Variants in WDR44 observed in about 807,000 individuals in gnomAD.
The protein encoded by WDR44 is WD repeat domain 44.
WDR44 carries 9 observed loss-of-function variants against 65.7 expected under a neutral mutation model. The observed-to-expected ratio is 0.14, with a 90% CI of 0.08 to 0.24. The LOEUF (loss-of-function observed/expected upper bound fraction) is 0.24. WDR44 is among the 10% of genes least tolerant of loss of function. The pLI is 1.00. For synonymous variants in WDR44, 220 were observed against 235.2 expected, an observed-to-expected ratio of 0.94 and a Z score of 0.59; for missense variants, 425 against 670.9, an observed-to-expected ratio of 0.63 and a Z score of 4.05.
intron 6 of WDR44, among the ~76,000 whole-genome samples, chrX:118,396,176 G>A (rs1420239919): frequency 8.1e-5 from 9 of 111,586 alleles, no homozygotes; most frequent in Non-Finnish European, 1.5e-4. Context: ...AAATTTTACA[G>A]CAAAATCTTA....
At chrX:118,359,191 A>G (rs777776909) in intron 1 of WDR44, among the ~76,000 whole-genome samples, 1 of 112,346 alleles carries the variant, frequency 8.9e-6, no homozygotes, top group Non-Finnish European at 1.9e-5. Flanking sequence ...ATTGCATTAG[A>G]TATTGATTTC....
intron 3 of WDR44, among the ~76,000 whole-genome samples, chrX:118,392,209 A>G (rs974829669): frequency 2.7e-5 from 3 of 112,102 alleles, no homozygotes; most frequent in Non-Finnish European, 5.6e-5. Flanking sequence ...GGCTCAAACC[A>G]TTAGGCTGGT....
intron 9 of WDR44, among the ~76,000 whole-genome samples, chrX:118,405,282 C>T (rs1569371939): frequency 9.1e-6 from 1 of 109,984 alleles, no homozygotes; most frequent in Non-Finnish European, 1.9e-5. Flanking sequence ...GTGATCCACC[C>T]ACTTCTACCT....
chrX:118,435,445 AT>A (rs57562182), intron 13 of WDR44, among the ~76,000 whole-genome samples: 2 of 107,137 alleles, frequency 1.9e-5, no homozygotes, highest in Admixed American at 1.0e-4. Context: ...CGCCCAGCTA[AT>A]TTTTTTTTTT....
In WDR44 at chrX:118,444,617, C is replaced by T. The variant is rs902700244; in HGVS notation, c.2647+123C>T. On this transcript the variant is annotated intron_variant, in intron 19 of 19. Transcript: ENST00000254029. ...ATTTCTTTTTTCTTTTTTCTTAAGA[C>T]AGGGTCTTGCTCTGTCACCCAGGCT... 3 of 863,642 alleles carry T rather than the reference C, an allele frequency of 3.5e-6. No individual in the cohort carries two copies. The African/African-American group carries it at 6.2e-5, about 18-fold the overall frequency. 71.2% of individuals were successfully genotyped at this position (863,642 alleles called of 1,213,427 possible). A position where few individuals can be genotyped will look rare whatever the true frequency, so the allele number is the denominator to read the frequency against.
intron 13 of WDR44, among the ~76,000 whole-genome samples, chrX:118,433,475 G>A (rs1481051942): frequency 9.0e-6 from 1 of 111,198 alleles, no homozygotes; most frequent in Non-Finnish European, 1.9e-5. Flanking sequence ...CATATCTGTT[G>A]ATCATTTTAC....
At chrX:118,388,595 G>A (rs4825574) in intron 3 of WDR44, among the ~76,000 whole-genome samples, 50,974 of 110,668 alleles carry the variant, frequency 0.46, 11,510 homozygotes, top group African/African-American at 0.87. Context: ...CACATATTTT[G>A]ATATTGATCA....
Position 118,394,040 on chromosome X carries a change from T to C in WDR44, c.827-15T>C, listed in dbSNP as rs769582895. The stretch of plus-strand genomic sequence containing the variant: ...AAAAGGGTTGTTATTATTGTTGTTA[T>C]TATTATCATTGCAGTTCCCAAAGAG... On this transcript the variant is annotated splice_polypyrimidine_tract_variant and intron_variant, in intron 4 of 19. Transcript: ENST00000254029. 6 of 1,195,950 alleles carry C rather than the reference T, an allele frequency of 5.0e-6. No homozygotes were observed. Among genetic ancestry groups the C allele is most frequent in the Admixed American group, 2.2e-5 (1 of 45,268 alleles).
At chrX:118,426,989 T>C (rs144547030) in intron 12 of WDR44, among the ~76,000 whole-genome samples, 1,824 of 111,561 alleles carry the variant, frequency 0.016, 18 homozygotes, top group Non-Finnish European at 0.025. Flanking sequence ...CCTTAAATTG[T>C]TTTCAAAGAC....
chrX:118,423,784 T>A (rs889506876), intron 12 of WDR44, among the ~76,000 whole-genome samples: 2 of 112,096 alleles, frequency 1.8e-5, no homozygotes, highest in Non-Finnish European at 3.8e-5. Context: ...GCCCTCGCAA[T>A]CACTGTTCTA....
chrX:118,447,808 G>A (rs1248463406), intron 19 of WDR44, among the ~76,000 whole-genome samples: 2 of 103,279 alleles, frequency 1.9e-5, no homozygotes, highest in Non-Finnish European at 3.9e-5. Flanking sequence ...AGGAGTATGA[G>A]GTTACAAGAA....
At chrX:118,424,323 GTATATATATATA>G (rs1171699587) in intron 12 of WDR44, among the ~76,000 whole-genome samples, 4 of 65,566 alleles carry the variant, frequency 6.1e-5, no homozygotes, top group African/African-American at 4.0e-4. Context: ...GTGTGTGTGT[GTATATATATATA>G]TATATATATA....
intron 8 of WDR44, among the ~76,000 whole-genome samples, chrX:118,402,987 T>G (rs896575364): frequency 9.0e-6 from 1 of 111,628 alleles, no homozygotes; most frequent in Non-Finnish European, 1.9e-5. Flanking sequence ...AGTACCAGAC[T>G]CTGTATCTAC....
At chrX:118,352,348 A>ATTTTTTTTTTT (rs1349245989) in intron 1 of WDR44, among the ~76,000 whole-genome samples, 2 of 23,336 alleles carry the variant, frequency 8.6e-5, no homozygotes, top group Non-Finnish European at 1.1e-4. Context: ...ATATATATAT[A>ATTTTTTTTTTT]TATATTTTTT....
chrX:118,400,529 C>A (rs754802468), intron 8 of WDR44, among the ~76,000 whole-genome samples: 1 of 111,745 alleles, frequency 8.9e-6, no homozygotes, highest in African/African-American at 3.2e-5. Flanking sequence ...AATACAGCTT[C>A]AGAGTTATAG....
intron 14 of WDR44, among the ~76,000 whole-genome samples, chrX:118,440,686 A>C (rs2057297254): frequency 8.9e-6 from 1 of 111,825 alleles, no homozygotes; most frequent in African/African-American, 3.3e-5. Context: ...TTGGAGATTC[A>C]AAATGCAGGT....
At chrX:118,439,789 A>G (rs1215766636) in intron 14 of WDR44, among the ~76,000 whole-genome samples, 2 of 107,407 alleles carry the variant, frequency 1.9e-5, no homozygotes, top group African/African-American at 6.9e-5. Flanking sequence ...CCCTTAGGGC[A>G]GGGGGATTTG....
intron 12 of WDR44, among the ~76,000 whole-genome samples, chrX:118,432,190 C>T (rs996323587): frequency 9.0e-6 from 1 of 111,568 alleles, no homozygotes; most frequent in African/African-American, 3.3e-5. Context: ...CCTACTATCT[C>T]CCTGCTTTGT....
chrX:118,393,115 A>G lies in WDR44; in HGVS notation c.670A>G (p.Ile224Val), dbSNP rs370691061. ...AAGACACCTTACTCCAGAGCCTGAT[A>G]TAGTGGCTAGTACAAAGAAGCCTGT... ...PPRHLTPEPD[I>V]VASTKKPVPA... is the part of the protein sequence containing the mutation. Residue 224 changes from isoleucine to valine, a missense_variant, in exon 4 of 20, where the codon ATA (isoleucine) becomes GTA (valine). Transcript: ENST00000254029. 49 of 1,210,484 alleles carry G rather than the reference A, an allele frequency of 4.0e-5. No individual in the cohort carries two copies. In the African/African-American group the frequency reaches 8.0e-4, roughly 20 times the overall value.
Sources: allele counts gnomAD v4.1 joint callset (sites outside exome capture counted in the v4.1 genomes callset), GRCh38; gene constraint gnomAD v4.1.1; transcripts MANE v1.5; gene names NCBI Gene and HGNC (gene_info 2026-07-23, HGNC 2026-07-21).